The following LSM14A variants were observed in gnomAD, a reference collection of about 807,000 sequenced individuals.
The protein encoded by LSM14A is LSM14A mRNA processing body assembly factor.
A neutral mutation model predicts 52.4 loss-of-function variants in LSM14A; 14 were observed. The observed-to-expected ratio is 0.27, with a 90% confidence interval of 0.18 to 0.42. LSM14A has a LOEUF of 0.42. Among genes scored for constraint, LSM14A ranks in the 10% least tolerant of loss-of-function variants. The pLI, the probability that LSM14A is intolerant of heterozygous loss-of-function variation, is 1.00. For missense variants in LSM14A, 417 were observed against 581.8 expected (o/e 0.72, Z 2.91); for synonymous variants, 185 against 200.3 (o/e 0.92, Z 0.64).
intron 6 of LSM14A, among the ~76,000 whole-genome samples, chr19:34,216,440 A>G (rs1344354687): frequency 1.3e-5 from 2 of 151,754 alleles, no homozygotes. Context: ...ACTTTTCTGG[A>G]AAAAAATTCT....
chr19:34,192,332 T>TG (rs2070477249), intron 1 of LSM14A, among the ~76,000 whole-genome samples: 1 of 131,398 alleles, frequency 7.6e-6, no homozygotes, highest in East Asian at 2.1e-4. Flanking sequence ...TTTTTTTTTT[T>TG]TTTTTTTTTT....
chr19:34,212,737 G>T (rs539502051), intron 4 of LSM14A, among the ~76,000 whole-genome samples: 1 of 152,260 alleles, frequency 6.6e-6, no homozygotes, highest in African/African-American at 2.4e-5. Context: ...AGTATCACCT[G>T]TATTTCCCTG....
rs1432513342 is a variant in LSM14A, at chr19:34,216,351, T to TG, written c.781+691dup. Among the ~76,000 whole-genome samples, 13 of 151,348 alleles carry TG rather than the reference T, an allele frequency of 8.6e-5. No individual in the cohort carries two copies. The East Asian group carries it at 1.6e-3, about 18-fold the overall frequency. On this transcript the variant is annotated intron_variant, in intron 6 of 9. Transcript: ENST00000544216. ...TGGCGTGAACTGGGGAGGTGGAGCT[T>TG]GCAGTGAGCCGAGATTGCTCCACTG...
intron 3 of LSM14A, among the ~76,000 whole-genome samples, chr19:34,202,648 G>A (rs1164586295): frequency 6.6e-6 from 1 of 152,016 alleles, no homozygotes; most frequent in Non-Finnish European, 1.5e-5. Context: ...CTCATACATT[G>A]AGAAGAATAA....
chr19:34,200,595 C>T (rs778548039), intron 3 of LSM14A, among the ~76,000 whole-genome samples: 2 of 152,128 alleles, frequency 1.3e-5, no homozygotes, highest in Non-Finnish European at 2.9e-5. Context: ...TAGATGTTAA[C>T]AGTTGATGAG....
chr19:34,199,745 T>C (rs1350423484), intron 3 of LSM14A, among the ~76,000 whole-genome samples: 2 of 152,132 alleles, frequency 1.3e-5, no homozygotes, highest in African/African-American at 2.4e-5. Context: ...CAAGGGCCCA[T>C]TGAAAAACAA....
At chr19:34,189,804 T>C (rs2070213287) in intron 1 of LSM14A, among the ~76,000 whole-genome samples, 1 of 152,164 alleles carries the variant, frequency 6.6e-6, no homozygotes, top group Non-Finnish European at 1.5e-5. Context: ...AATGTAAACC[T>C]AATAAAAAGA....
At chr19:34,182,931 C>T (rs371099559) in intron 1 of LSM14A, among the ~76,000 whole-genome samples, 1 of 151,978 alleles carries the variant, frequency 6.6e-6, no homozygotes, top group South Asian at 2.1e-4. Context: ...CCCTCTCCCC[C>T]TCCTCTTTCT....
At chr19:34,199,264 A>G (rs1011352567) in intron 3 of LSM14A, among the ~76,000 whole-genome samples, 8 of 151,948 alleles carry the variant, frequency 5.3e-5, no homozygotes, top group Admixed American at 3.9e-4. Context: ...AGCTGGGATT[A>G]TAGGCATGCA....
chr19:34,208,174 T>C (rs570984957), intron 3 of LSM14A: 1 of 152,374 alleles, frequency 6.6e-6, no homozygotes, highest in East Asian at 1.9e-4. Context: ...ATTACATTTA[T>C]ATTTTGTAAA....
rs1017772400 is a variant in LSM14A, at chr19:34,228,240, A to G, written c.*852A>G. On this transcript the variant is annotated 3_prime_UTR_variant, in exon 10 of 10. Transcript: ENST00000544216. ...TGAAGATTTGATACATTATTTCATT[A>G]TCTAAAAAGGATTAATTATTCATGC... 2 of 152,624 alleles carry G rather than the reference A, an allele frequency of 1.3e-5. No homozygotes were observed. Among genetic ancestry groups the G allele is most frequent in the African/African-American group, 4.8e-5 (2 of 41,448 alleles). The allele number at this position is 152,624 out of a possible 1,614,324, so 9.5% of individuals were successfully genotyped here.
chr19:34,194,458 A>G lies in LSM14A; in HGVS notation c.122-20A>G, dbSNP rs1035250982. The G allele has an allele frequency of 1.9e-6, 3 of 1,612,116 alleles. No homozygotes were observed. Among genetic ancestry groups the G allele is most frequent in the African/African-American group, 1.3e-5 (1 of 74,942 alleles). ...TGTGATGAGTAGTCACACATCTCAT[A>G]TCCTTTGTTTTCTTGCCAGTTCGAT... is the stretch of plus-strand genomic sequence containing the variant. On this transcript the variant is annotated intron_variant, in intron 1 of 9. Coordinates refer to ENST00000544216, the MANE Select transcript of LSM14A (RefSeq NM_015578.4).
At chr19:34,194,780 C>T in intron 2 of LSM14A, 139 bp downstream of exon 2, 1 of 769,258 alleles carries the variant, frequency 1.3e-6, no homozygotes, top group South Asian at 1.6e-5. Flanking sequence ...GGATAATGTT[C>T]TCATCTAGGT....
intron 4 of LSM14A, 86 bp downstream of exon 4, chr19:34,209,137 G>C: frequency 1.7e-6 from 2 of 1,152,490 alleles, no homozygotes; most frequent in Non-Finnish European, 2.4e-6. Flanking sequence ...TTTGCAGCTT[G>C]TAAATCGCGT....
At chr19:34,196,853 A>C (rs1239556182) in intron 3 of LSM14A, 90 bp downstream of exon 3, 3 of 1,031,322 alleles carry the variant, frequency 2.9e-6, no homozygotes, top group Non-Finnish European at 4.1e-6. Context: ...ACTATTAGAA[A>C]TGTTGTTTGA....
At chr19:34,196,537 T>C in intron 2 of LSM14A, 97 bp from the exon 3 acceptor site, 1 of 1,211,714 alleles carries the variant, frequency 8.3e-7, no homozygotes, top group Non-Finnish European at 1.1e-6. Context: ...GTAGTTATAA[T>C]TTAATAGTTT....
intron 9 of LSM14A, chr19:34,226,393 TTTTTTA>T: frequency 6.7e-7 from 1 of 1,493,600 alleles, no homozygotes; most frequent in Non-Finnish European, 8.8e-7. Context: ...TTTTTTTTTT[TTTTTTA>T]CCTTTCAGAA....
chr19:34,172,910 C>A, intron 1 of LSM14A, 147 bp downstream of exon 1: 2 of 1,018,016 alleles, frequency 2.0e-6, no homozygotes, highest in Non-Finnish European at 2.7e-6. Context: ...GCCCCGGCGT[C>A]GCGGGCCGGA....
intron 3 of LSM14A, among the ~76,000 whole-genome samples, chr19:34,201,429 T>C (rs2071279517): frequency 6.6e-6 from 1 of 152,100 alleles, no homozygotes; most frequent in Non-Finnish European, 1.5e-5. Flanking sequence ...TGCAGCCCCC[T>C]CCTCCCGGGT....
Sources: gnomAD v4.1 joint callset for allele counts (sites outside exome capture counted in the v4.1 genomes callset) on GRCh38, gnomAD v4.1.1 for gene constraint, MANE v1.5 for transcripts, NCBI Gene and HGNC (gene_info 2026-07-23, HGNC 2026-07-21) for gene names.